Variants in TEAD1 observed in about 807,000 individuals in gnomAD.
TEAD1 encodes the protein TEA domain transcription factor 1.
TEAD1 carries 9 observed loss-of-function variants against 54.9 expected under a neutral mutation model. The ratio of observed to expected loss-of-function variants is 0.16; its 90% CI spans 0.10 to 0.29. The LOEUF (loss-of-function observed/expected upper bound fraction) is 0.29, where lower values mean the gene tolerates loss of function less well. TEAD1 is among the 10% of genes least tolerant of loss of function. The pLI is 1.00. For synonymous variants in TEAD1, 200 were observed against 187.8 expected, an observed-to-expected ratio of 1.07 and a Z score of -0.53; for missense variants, 387 against 535.9, an observed-to-expected ratio of 0.72 and a Z score of 2.74.
Position 12,840,246 on chromosome 11 carries a change from C to CAAA in TEAD1, c.203-21990_203-21988dup, listed in dbSNP as rs1176865272. Among the ~76,000 whole-genome samples the CAAA allele has an allele frequency of 5.8e-3, 184 of 31,532 alleles. 10 individuals are homozygous for CAAA. Among genetic ancestry groups the CAAA allele is most frequent in the Admixed American group, 8.7e-3 (21 of 2,424 alleles). 20.7% of individuals were successfully genotyped at this position (31,532 alleles called of 152,430 possible). On this transcript the variant is annotated intron_variant, in intron 3 of 12. Coordinates refer to ENST00000527636, the MANE Select transcript of TEAD1 (RefSeq NM_021961.6). ...TGGGCGACAGAGCGAGACTCTGCCT[C>CAAA]AAAAAAAAAAAAAAAAGAAAAAAAA... is the stretch of plus-strand genomic sequence containing the variant.
chr11:12,788,845 C>T lies in TEAD1; in HGVS notation c.202+24411C>T, dbSNP rs182691193. ...ATTTCAGTTTAAAGTTATTTTTAGA[C>T]TAGAGATTTTAGCTGTTTTCTTAAG... On this transcript the variant is annotated intron_variant, in intron 3 of 12. Coordinates refer to ENST00000527636, the MANE Select transcript of TEAD1 (RefSeq NM_021961.6). 3.4e-3 allele frequency among the ~76,000 whole-genome samples: 512 copies of T among 152,312 alleles called. 4 individuals carry two copies. Among genetic ancestry groups the T allele is most frequent in the Non-Finnish European group, 5.3e-3 (364 of 68,042 alleles).
intron 10 of TEAD1, among the ~76,000 whole-genome samples, chr11:12,910,657 A>C (rs931690395): frequency 1.3e-5 from 2 of 152,024 alleles, no homozygotes; most frequent in Non-Finnish European, 1.5e-5. Flanking sequence ...ATGTTATCCT[A>C]TACTTATTTA....
chr11:12,782,025 C>T (rs573418163), intron 3 of TEAD1, among the ~76,000 whole-genome samples: 3 of 151,260 alleles, frequency 2.0e-5, no homozygotes, highest in Non-Finnish European at 4.4e-5. Flanking sequence ...TAGTGCACAC[C>T]TGTAGCCCCT....
chr11:12,788,348 T>C (rs1000833849), intron 3 of TEAD1, among the ~76,000 whole-genome samples: 3 of 152,018 alleles, frequency 2.0e-5, no homozygotes, highest in Non-Finnish European at 4.4e-5. Context: ...GCCAGGCTGG[T>C]CTTGAACTCC....
At chr11:12,927,103 A>G (rs16911783) in intron 11 of TEAD1, among the ~76,000 whole-genome samples, 2,377 of 152,332 alleles carry the variant, frequency 0.016, 48 homozygotes, top group African/African-American at 0.053. Context: ...CCAAAGCTCT[A>G]TGCAAATTCA....
At chr11:12,850,163 T>C (rs1947243427) in intron 3 of TEAD1, among the ~76,000 whole-genome samples, 1 of 152,164 alleles carries the variant, frequency 6.6e-6, no homozygotes, top group Non-Finnish European at 1.5e-5. Flanking sequence ...GGGCCAGGTG[T>C]GGTGACACAT....
chr11:12,715,687 T>C (rs1944044314), intron 2 of TEAD1, among the ~76,000 whole-genome samples: 1 of 152,068 alleles, frequency 6.6e-6, no homozygotes, highest in African/African-American at 2.4e-5. Context: ...ATTTGGGTTG[T>C]AGATGGGCTT....
chr11:12,821,623 T>A (rs1284498340), intron 3 of TEAD1, among the ~76,000 whole-genome samples: 1 of 152,132 alleles, frequency 6.6e-6, no homozygotes, highest in East Asian at 1.9e-4. Flanking sequence ...CTTTTATTTT[T>A]TGACTCTATA....
chr11:12,800,818 A>G (rs1946042430), intron 3 of TEAD1, among the ~76,000 whole-genome samples: 1 of 152,154 alleles, frequency 6.6e-6, no homozygotes, highest in Non-Finnish European at 1.5e-5. Flanking sequence ...TTCCTAGCAC[A>G]AGGCTAGTCT....
chr11:12,859,419 A>T (rs1012318682), intron 3 of TEAD1, among the ~76,000 whole-genome samples: 1 of 152,064 alleles, frequency 6.6e-6, no homozygotes, highest in African/African-American at 2.4e-5. Context: ...CAGGATGCAC[A>T]GTGAGGCCCC....
intron 3 of TEAD1, among the ~76,000 whole-genome samples, chr11:12,852,207 A>G (rs1240798054): frequency 1.3e-5 from 2 of 148,832 alleles, no homozygotes; most frequent in African/African-American, 4.9e-5. Flanking sequence ...GAGGAGCCCT[A>G]TACAGGAGTG....
intron 5 of TEAD1, among the ~76,000 whole-genome samples, chr11:12,870,808 C>A (rs1377177010): frequency 6.6e-6 from 1 of 152,150 alleles, no homozygotes; most frequent in Non-Finnish European, 1.5e-5. Context: ...GTTGCTTGAA[C>A]TTGGGAGGTG....
At chr11:12,861,627 A>G (rs1947505533) in intron 3 of TEAD1, among the ~76,000 whole-genome samples, 2 of 152,220 alleles carry the variant, frequency 1.3e-5, no homozygotes, top group Admixed American at 1.3e-4. Context: ...CCTTGTCTGT[A>G]TTTGTTGCTT....
intron 3 of TEAD1, among the ~76,000 whole-genome samples, chr11:12,830,188 A>G (rs1207442823): frequency 6.6e-6 from 1 of 151,074 alleles, no homozygotes; most frequent in Non-Finnish European, 1.5e-5. Flanking sequence ...CAAAGACCAA[A>G]TAAACAAAGG....
chr11:12,901,565 G>A (rs374870961), intron 9 of TEAD1, among the ~76,000 whole-genome samples: 1 of 152,156 alleles, frequency 6.6e-6, no homozygotes, highest in African/African-American at 2.4e-5. Context: ...TGAGCTAACT[G>A]CACACAGATT....
At chr11:12,786,174 AG>A (rs1945673343) in intron 3 of TEAD1, among the ~76,000 whole-genome samples, 1 of 152,192 alleles carries the variant, frequency 6.6e-6, no homozygotes, top group African/African-American at 2.4e-5. Flanking sequence ...GCTGAGACCA[AG>A]CCAAATGGGG....
At chr11:12,839,051 T>A (rs1427059643) in intron 3 of TEAD1, among the ~76,000 whole-genome samples, 1 of 152,108 alleles carries the variant, frequency 6.6e-6, no homozygotes, top group Non-Finnish European at 1.5e-5. Context: ...TTCATAGACT[T>A]GGGACAATTC....
chr11:12,677,869 T>C (rs1411705038), intron 2 of TEAD1, among the ~76,000 whole-genome samples: 1 of 152,222 alleles, frequency 6.6e-6, no homozygotes, highest in African/African-American at 2.4e-5. Flanking sequence ...ATTACTTTTC[T>C]CTCTAATCTC....
chr11:12,794,217 G>T (rs1252122367), intron 3 of TEAD1, among the ~76,000 whole-genome samples: 1 of 152,102 alleles, frequency 6.6e-6, no homozygotes, highest in Non-Finnish European at 1.5e-5. Flanking sequence ...CGGTCCATTT[G>T]GCATGTCCTA....
Sources: allele counts gnomAD v4.1 joint callset (sites outside exome capture counted in the v4.1 genomes callset), GRCh38; gene constraint gnomAD v4.1.1; transcripts MANE v1.5; gene names NCBI Gene and HGNC (gene_info 2026-07-23, HGNC 2026-07-21).